CACNA1A: variants seen among roughly 807,000 people sequenced by gnomAD.
The protein encoded by CACNA1A is voltage-dependent P/Q-type calcium channel subunit alpha-1A.
Under a neutral mutation model 262.4 loss-of-function variants are expected in CACNA1A, and 57 were observed. The observed-to-expected ratio is 0.22, with a 90% CI of 0.18 to 0.27. The LOEUF is 0.27. Among genes scored for constraint, CACNA1A ranks in the 10% least tolerant of loss-of-function variants. CACNA1A has a pLI of 1.00. For missense variants in CACNA1A, 2,526 were observed against 3,562.8 expected (o/e 0.71, Z 7.41); for synonymous variants, 1,431 against 1,419.3 (o/e 1.01, Z -0.18).
At chr19:13,209,108 A>G (rs2054702076) in intron 45 of CACNA1A, 99 bp from the exon 46 acceptor site, 1 of 1,491,210 alleles carries the variant, frequency 6.7e-7, no homozygotes, top group Non-Finnish European at 9.0e-7. Flanking sequence ...TGGGGGCCCT[A>G]GAGATCCCCT....
intron 37 of CACNA1A, 47 bp from the exon 38 acceptor site, chr19:13,224,819 T>C: frequency 6.9e-7 from 1 of 1,450,336 alleles, no homozygotes; most frequent in Non-Finnish European, 9.5e-7. Flanking sequence ...GCATCCCTCC[T>C]GGGTCTCCCG....
intron 1 of CACNA1A, among the ~76,000 whole-genome samples, chr19:13,503,004 A>G (rs1547983): frequency 0.73 from 110,316 of 151,982 alleles, 41,041 homozygotes; most frequent in African/African-American, 0.9. Context: ...CACATCCCAC[A>G]ACACATGCAT....
At chr19:13,370,406 A>G (rs2059301367) in intron 4 of CACNA1A, among the ~76,000 whole-genome samples, 1 of 151,642 alleles carries the variant, frequency 6.6e-6, no homozygotes, top group Non-Finnish European at 1.5e-5. Flanking sequence ...CACCCAGCCT[A>G]TAAATTGTTT....
intron 6 of CACNA1A, among the ~76,000 whole-genome samples, chr19:13,344,927 T>TC (rs2058738599): frequency 6.6e-6 from 1 of 150,394 alleles, no homozygotes; most frequent in African/African-American, 2.4e-5. Flanking sequence ...GCTAATTTTT[T>TC]TGTATTTTTT....
At chr19:13,290,919 G>A (rs2057522227) in intron 19 of CACNA1A, among the ~76,000 whole-genome samples, 1 of 152,130 alleles carries the variant, frequency 6.6e-6, no homozygotes, top group South Asian at 2.1e-4. Flanking sequence ...AAGAGCAGAT[G>A]GAAAAGGGTC....
At chr19:13,380,414 C>A (rs12972721) in intron 3 of CACNA1A, among the ~76,000 whole-genome samples, 1 of 150,842 alleles carries the variant, frequency 6.6e-6, no homozygotes, top group Non-Finnish European at 1.5e-5. Flanking sequence ...GGGAGGCCGA[C>A]GCAGGCAGAT....
Position 13,497,445 on chromosome 19 carries a change from G to A in CACNA1A, c.293+8487C>T, listed in dbSNP as rs1160301121. ...GGAGGTTGCAGTGAGCCGAGATCGC[G>A]CCATTGCACTCCAGCCTGGGCAACA... On this transcript the variant is annotated intron_variant, in intron 1 of 46. Transcript: ENST00000360228. Among the ~76,000 whole-genome samples the A allele has an allele frequency of 1.4e-4, 16 of 115,320 alleles. No individual in the cohort carries two copies. The South Asian group carries it at 2.3e-3, about 17-fold the overall frequency. 75.7% of individuals were successfully genotyped at this position (115,320 alleles called of 152,430 possible).
At chr19:13,428,212 G>A (rs919063817) in intron 3 of CACNA1A, among the ~76,000 whole-genome samples, 5 of 152,234 alleles carry the variant, frequency 3.3e-5, no homozygotes, top group African/African-American at 4.8e-5. Context: ...ATAGGCGTGA[G>A]CCACTGCGCA....
At position 13,231,771 on chromosome 19, in the gene CACNA1A, T is replaced by A; in HGVS notation, c.5339A>T (p.Glu1780Val). 3 of 1,613,768 alleles carry A rather than the reference T, an allele frequency of 1.9e-6. No homozygotes were observed. Among genetic ancestry groups the A allele is most frequent in the Non-Finnish European group, 2.5e-6 (3 of 1,179,812 alleles). The change falls in exon 35 of 47, where the codon GAG becomes GTG. Residue 1780 changes from glutamate to valine, a missense_variant. By Grantham distance (121) the Glu-to-Val change is moderately radical. Transcript: ENST00000360228. ...AAAATAAGCAAATTCATTGCCACAC[T>A]CTCGAGTCAGGATGCCAGAGTTCTT... ...CDKNSGILTRECGNEFAYFYF... is the reference protein window; with the variant it reads ...CDKNSGILTRVCGNEFAYFYF...
chr19:13,439,816 T>G (rs1206923794), intron 3 of CACNA1A, among the ~76,000 whole-genome samples: 1 of 152,132 alleles, frequency 6.6e-6, no homozygotes, highest in Admixed American at 6.6e-5. Flanking sequence ...AAGAGGGGAT[T>G]TGGGAAATCA....
chr19:13,479,566 T>C (rs1213887102), intron 1 of CACNA1A, among the ~76,000 whole-genome samples: 2 of 151,796 alleles, frequency 1.3e-5, no homozygotes, highest in African/African-American at 2.4e-5. Context: ...AAATCAGCAA[T>C]GGGAAAGGAA....
intron 3 of CACNA1A, among the ~76,000 whole-genome samples, chr19:13,380,707 A>G (rs185825886): frequency 8.1e-4 from 122 of 151,192 alleles, no homozygotes; most frequent in Non-Finnish European, 1.4e-3. Flanking sequence ...AAAAAGTAAA[A>G]AGAAACAGGT....
At chr19:13,298,421 G>C in intron 19 of CACNA1A, 123 bp downstream of exon 19, 1 of 947,856 alleles carries the variant, frequency 1.1e-6, no homozygotes, top group East Asian at 3.4e-5. Flanking sequence ...GAGCCACTGC[G>C]CCTGGCCAAA....
intron 22 of CACNA1A, among the ~76,000 whole-genome samples, chr19:13,282,954 C>T (rs932287072): frequency 6.6e-6 from 1 of 152,154 alleles, no homozygotes; most frequent in Non-Finnish European, 1.5e-5. Flanking sequence ...CCCCCCTATT[C>T]CATGTAGAGA....
At chr19:13,270,410 G>A (rs1320867112) in intron 24 of CACNA1A, among the ~76,000 whole-genome samples, 1 of 121,606 alleles carries the variant, frequency 8.2e-6, no homozygotes. Flanking sequence ...CCCTGGGGTG[G>A]GGGGTGGGGG....
intron 6 of CACNA1A, among the ~76,000 whole-genome samples, chr19:13,347,026 CAT>C (rs1385029645): frequency 6.8e-6 from 1 of 147,662 alleles, no homozygotes; most frequent in Non-Finnish European, 1.5e-5. Flanking sequence ...TTAATGCATT[CAT>C]ATGATTTGTT....
At chr19:13,279,579 G>A (rs925436474) in intron 22 of CACNA1A, among the ~76,000 whole-genome samples, 4 of 152,002 alleles carry the variant, frequency 2.6e-5, no homozygotes, top group Admixed American at 2.0e-4. Context: ...TCTGCCTCCC[G>A]GGTTCAAGCA....
At chr19:13,256,933 C>T in intron 28 of CACNA1A, 1 of 160,040 alleles carries the variant, frequency 6.2e-6, no homozygotes, top group Non-Finnish European at 1.4e-5. Flanking sequence ...TGAGCACAAG[C>T]CTGAAGAACT....
chr19:13,393,811 T>TTCCCTCCTTCC (rs1226397228), intron 3 of CACNA1A, among the ~76,000 whole-genome samples: 1 of 82,108 alleles, frequency 1.2e-5, no homozygotes, highest in African/African-American at 4.4e-5. Context: ...CCCTCCTTCC[T>TTCCCTCCTTCC]CTCTCTCTCT....
Sources: allele counts gnomAD v4.1 joint callset (sites outside exome capture counted in the v4.1 genomes callset), GRCh38; gene constraint gnomAD v4.1.1; transcripts MANE v1.5; gene names NCBI Gene and HGNC (gene_info 2026-07-23, HGNC 2026-07-21).